Variants in LAMA1 observed in about 807,000 individuals in gnomAD.
LAMA1 encodes the protein laminin subunit alpha-1.
Under a neutral mutation model 348.7 loss-of-function variants are expected in LAMA1, and 219 were observed. That is an observed-to-expected ratio of 0.63 (90% CI 0.56 to 0.70). The LOEUF (loss-of-function observed/expected upper bound fraction) is 0.70, where lower values mean the gene tolerates loss of function less well. Ranked by LOEUF, LAMA1 falls within the 30% of genes least tolerant of loss-of-function variation. LAMA1 has a pLI of 0.00. For synonymous variants in LAMA1, 1,487 were observed against 1,491.0 expected (o/e 1.00, Z 0.06); for missense variants, 3,744 against 3,888.0 (o/e 0.96, Z 0.99).
chr18:6,981,478 A>C (rs1466356963), intron 41 of LAMA1, among the ~76,000 whole-genome samples: 1 of 152,180 alleles, frequency 6.6e-6, no homozygotes, highest in African/African-American at 2.4e-5. Context: ...TTTACTTTTA[A>C]AATTTCTGTT....
rs549443554 is a variant in LAMA1 at position 7,040,205 on chromosome 18, T to C, written c.1293A>G (p.Glu431=). The part of the protein sequence containing the change: ...GKQPGQCPCK[E]GYTGEKCDRC... Reference sequence around the variant, plus strand: ...GATCACATTTTTCTCCTGTATAACCTTCCTTACATGGGCACTGACCTGGCT... The same window carrying C: ...GATCACATTTTTCTCCTGTATAACCCTCCTTACATGGGCACTGACCTGGCT... The change falls in exon 10 of 63, where the codon GAA becomes GAG. Residue 431 remains glutamate, a synonymous_variant. Coordinates refer to ENST00000389658, the MANE Select transcript of LAMA1 (RefSeq NM_005559.4). 6.2e-7 allele frequency: 1 copy of C among 1,614,000 alleles called. No individual in the cohort carries two copies.
At position 7,090,338 on chromosome 18, in the gene LAMA1, G is replaced by C. The variant is rs545673989; in HGVS notation, c.62-9881C>G. ...AAAACGAGACTCTCATTTCCAAAGG[G>C]AACTATTTAAAATAACCAGTAGTTA... is the stretch of plus-strand genomic sequence containing the variant. On this transcript the variant is annotated intron_variant, in intron 1 of 62. Coordinates refer to ENST00000389658, the MANE Select transcript of LAMA1 (RefSeq NM_005559.4). 2.0e-5 allele frequency among the ~76,000 whole-genome samples: 3 copies of C among 152,140 alleles called. No individual in the cohort carries two copies. In the East Asian group the frequency reaches 5.8e-4, roughly 29 times the overall value.
At chr18:7,067,919 T>C (rs965097869) in intron 3 of LAMA1, among the ~76,000 whole-genome samples, 6 of 151,932 alleles carry the variant, frequency 3.9e-5, no homozygotes, top group South Asian at 2.1e-4. Context: ...AATGGCACGA[T>C]CTTGGCTCAC....
chr18:6,956,333 C>T (rs185839913), intron 56 of LAMA1: 45 of 493,372 alleles, frequency 9.1e-5, no homozygotes, highest in African/African-American at 7.4e-4. Flanking sequence ...TCATGCTTTC[C>T]TGGCTAAATG....
chr18:6,974,415 AAAG>A (rs766917809), intron 46 of LAMA1, among the ~76,000 whole-genome samples: 1 of 151,954 alleles, frequency 6.6e-6, no homozygotes, highest in Non-Finnish European at 1.5e-5. Flanking sequence ...CAGCCTTAAA[AAAG>A]AAGTTCTGTC....
At chr18:7,100,244 A>G (rs141360535) in intron 1 of LAMA1, among the ~76,000 whole-genome samples, 2,328 of 152,298 alleles carry the variant, frequency 0.015, 29 homozygotes, top group Non-Finnish European at 0.024. Flanking sequence ...TGAATGGCTA[A>G]GAAGCATCTG....
Position 7,015,845 on chromosome 18 carries a change from TG to T in LAMA1, c.3002del (p.Pro1001HisfsTer23). ...QDGSCTPCDC[P>X]HTQNTCDPET... ...CTGGGTCGCAGGTATTCTGAGTGTG[TG>T]GGCAGTCACAGGCTGAAATAAAGAT... On this transcript the variant is annotated frameshift_variant, in exon 22 of 63. Coordinates refer to ENST00000389658, the MANE Select transcript of LAMA1 (RefSeq NM_005559.4). LOFTEE classifies it high-confidence loss of function. 6.2e-7 allele frequency: 1 copy of T among 1,614,112 alleles called. No homozygotes were observed. Among genetic ancestry groups the T allele is most frequent in the South Asian group, 1.1e-5 (1 of 91,076 alleles).
intron 51 of LAMA1, among the ~76,000 whole-genome samples, chr18:6,963,359 C>G (rs1053699633): frequency 6.6e-6 from 1 of 152,212 alleles, no homozygotes; most frequent in African/African-American, 2.4e-5. Context: ...GGGATGGGAT[C>G]TGGAGACAGC....
Position 7,059,656 on chromosome 18 carries a change from A to G in LAMA1, c.346-8720T>C, listed in dbSNP as rs2058095066. 4.6e-5 allele frequency among the ~76,000 whole-genome samples: 7 copies of G among 152,190 alleles called. No homozygotes were observed. The South Asian group carries it at 1.4e-3, about 31-fold the overall frequency. On this transcript the variant is annotated intron_variant, in intron 3 of 62. Coordinates refer to ENST00000389658, the MANE Select transcript of LAMA1 (RefSeq NM_005559.4). ...CAGAAGTGAAGCCTCTCCTCTCCAC[A>G]GAAAGTGCAGCTGTTCTCCGCAGGC... is the stretch of plus-strand genomic sequence containing the variant.
chr18:6,946,435 G>A (rs749043020), intron 61 of LAMA1, among the ~76,000 whole-genome samples: 18 of 152,140 alleles, frequency 1.2e-4, no homozygotes, highest in Non-Finnish European at 2.6e-4. Context: ...TAAGTATCTT[G>A]ATTGTGCTAG....
chr18:6,988,808 T>TAAAAAAAA (rs1169877701), intron 36 of LAMA1, among the ~76,000 whole-genome samples: 13 of 100,144 alleles, frequency 1.3e-4, no homozygotes, highest in Non-Finnish European at 1.7e-4. Flanking sequence ...TCCGTCTCAA[T>TAAAAAAAA]AAAAAAAAAA....
At chr18:6,980,134 C>A (rs188763641) in intron 42 of LAMA1, among the ~76,000 whole-genome samples, 2 of 152,176 alleles carry the variant, frequency 1.3e-5, no homozygotes, top group African/African-American at 4.8e-5. Context: ...GTCTTCAGTT[C>A]GCCACACTGA....
At chr18:7,070,053 G>C (rs548284085) in intron 3 of LAMA1, among the ~76,000 whole-genome samples, 1 of 152,184 alleles carries the variant, frequency 6.6e-6, no homozygotes, top group Non-Finnish European at 1.5e-5. Flanking sequence ...GAAAACAAAA[G>C]AAAGACCTAT....
At chr18:7,008,395 A>C in intron 28 of LAMA1, 93 bp downstream of exon 28, 1 of 1,408,582 alleles carries the variant, frequency 7.1e-7, no homozygotes. Flanking sequence ...GATATAGTAG[A>C]TACACATAAG....
At chr18:7,086,783 G>A (rs1277548898) in intron 1 of LAMA1, among the ~76,000 whole-genome samples, 4 of 152,144 alleles carry the variant, frequency 2.6e-5, no homozygotes, top group Admixed American at 1.3e-4. Flanking sequence ...GCCTGCTGCC[G>A]ACTCTGTGTC....
chr18:7,058,028 T>A (rs143017645), intron 3 of LAMA1, among the ~76,000 whole-genome samples: 2,358 of 151,946 alleles, frequency 0.016, 64 homozygotes, highest in African/African-American at 0.054. Context: ...GGTCTTGAAC[T>A]CCTGACCTTG....
chr18:7,107,410 C>G (rs1049406180), intron 1 of LAMA1, among the ~76,000 whole-genome samples: 1 of 151,778 alleles, frequency 6.6e-6, no homozygotes, highest in South Asian at 2.1e-4. Context: ...GAGCCACCGC[C>G]CCCAGCCAGA....
At chr18:7,077,199 C>CTTTTTTTTTTTT (rs71165719) in intron 3 of LAMA1, among the ~76,000 whole-genome samples, 3 of 119,794 alleles carry the variant, frequency 2.5e-5, no homozygotes, top group Non-Finnish European at 3.4e-5. Flanking sequence ...CTGTTCTTTT[C>CTTTTTTTTTTTT]TTTTTTTTTT....
At chr18:7,008,322 A>G (rs1235316057) in intron 28 of LAMA1, among the ~76,000 whole-genome samples, 166 bp downstream of exon 28, 1 of 152,184 alleles carries the variant, frequency 6.6e-6, no homozygotes, top group East Asian at 1.9e-4. Context: ...GTTAAGATGG[A>G]AGATTTTGTT....
Sources: allele counts gnomAD v4.1 joint callset (sites outside exome capture counted in the v4.1 genomes callset), GRCh38; gene constraint gnomAD v4.1.1; transcripts MANE v1.5; gene names NCBI Gene and HGNC (gene_info 2026-07-23, HGNC 2026-07-21).